Variants in FRAS1 observed in about 807,000 individuals in gnomAD.
The protein encoded by FRAS1 is extracellular matrix organizing protein FRAS1.
Under a neutral mutation model 435.2 loss-of-function variants are expected in FRAS1, and 290 were observed. The observed-to-expected ratio is 0.67, with a 90% CI of 0.61 to 0.73. FRAS1 has a LOEUF of 0.73. Ranked by LOEUF, FRAS1 falls within the 30% of genes least tolerant of loss-of-function variation. The pLI is 0.00. For synonymous variants in FRAS1, 1,800 were observed against 1,851.0 expected (o/e 0.97, Z 0.71); for missense variants, 4,860 against 5,001.5 (o/e 0.97, Z 0.85).
At chr4:78,323,109 C>A (rs1217352151) in intron 18 of FRAS1, among the ~76,000 whole-genome samples, 2 of 152,042 alleles carry the variant, frequency 1.3e-5, no homozygotes, top group Non-Finnish European at 1.5e-5. Context: ...TGTGCTTTGG[C>A]TCTTCAAAAA....
chr4:78,185,472 G>A (rs561093923), intron 2 of FRAS1, among the ~76,000 whole-genome samples: 1 of 152,256 alleles, frequency 6.6e-6, no homozygotes, highest in Non-Finnish European at 1.5e-5. Context: ...TCACGGGATT[G>A]TTTTTCACTT....
chr4:78,226,951 T>C (rs1275133616), intron 2 of FRAS1, among the ~76,000 whole-genome samples: 2 of 152,240 alleles, frequency 1.3e-5, no homozygotes, highest in Non-Finnish European at 2.9e-5. Flanking sequence ...ATAGCCAGTC[T>C]GCCGTTAAGC....
At chr4:78,244,633 T>C (rs143983643) in intron 3 of FRAS1, among the ~76,000 whole-genome samples, 2 of 152,266 alleles carry the variant, frequency 1.3e-5, no homozygotes, top group Non-Finnish European at 2.9e-5. Context: ...CTTGATAGTA[T>C]CAAGAAACAC....
chr4:78,387,321 T>G (rs555493843), intron 28 of FRAS1, 54 bp from the exon 29 acceptor site: 2 of 1,329,654 alleles, frequency 1.5e-6, no homozygotes, highest in South Asian at 2.8e-5. Flanking sequence ...TCTAGTCCAC[T>G]GGATTGTCCT....
At chr4:78,072,449 A>C (rs1257621937) in intron 2 of FRAS1, among the ~76,000 whole-genome samples, 3 of 152,192 alleles carry the variant, frequency 2.0e-5, no homozygotes, top group Non-Finnish European at 4.4e-5. Flanking sequence ...AAAATTTGGA[A>C]GCTTTCCCTA....
At chr4:78,186,711 T>A (rs757554326) in intron 2 of FRAS1, among the ~76,000 whole-genome samples, 10 of 152,192 alleles carry the variant, frequency 6.6e-5, no homozygotes, top group Non-Finnish European at 1.5e-4. Flanking sequence ...TGATTAGTTA[T>A]TTTCTAGTGG....
chr4:78,536,551 C>T (rs1721887311), intron 71 of FRAS1, among the ~76,000 whole-genome samples: 1 of 152,124 alleles, frequency 6.6e-6, no homozygotes, highest in South Asian at 2.1e-4. Context: ...GGTTTCTCAT[C>T]TGCAAAATTG....
chr4:78,175,150 T>C (rs1203937149), intron 2 of FRAS1, among the ~76,000 whole-genome samples: 1 of 152,212 alleles, frequency 6.6e-6, no homozygotes, highest in Non-Finnish European at 1.5e-5. Context: ...TGGCTTCTTA[T>C]CCCATCGCCT....
chr4:78,174,810 C>T (rs1721697175), intron 2 of FRAS1, among the ~76,000 whole-genome samples: 1 of 152,178 alleles, frequency 6.6e-6, no homozygotes, highest in Admixed American at 6.5e-5. Context: ...AATCTTGAGC[C>T]ATTTGCTTTG....
chr4:78,320,770 G>A (rs1729472539), intron 18 of FRAS1, among the ~76,000 whole-genome samples: 1 of 151,978 alleles, frequency 6.6e-6, no homozygotes, highest in Admixed American at 6.6e-5. Context: ...GCACCCTGAG[G>A]TTTTTAGTGG....
chr4:78,303,629 A>C lies in FRAS1; in HGVS notation c.1535-4437A>C, dbSNP rs185240855. 3.6e-4 allele frequency among the ~76,000 whole-genome samples: 55 copies of C among 152,114 alleles called. No homozygotes were observed. The Middle Eastern group carries it at 0.01, about 28-fold the overall frequency. On this transcript the variant is annotated intron_variant, in intron 14 of 73. Transcript: ENST00000512123. ...TCTCTTTGAAGCAATTGTGAATGGG[A>C]GTTCACCCATTATTTGGCTCTCTGT...
chr4:78,240,792 T>C (rs1724969623), intron 3 of FRAS1, among the ~76,000 whole-genome samples: 1 of 151,992 alleles, frequency 6.6e-6, no homozygotes, highest in Non-Finnish European at 1.5e-5. Flanking sequence ...GCACAGTCAT[T>C]TAAGGGGAGG....
rs762951278 is a variant in FRAS1 at position 78,445,722 on chromosome 4, T to C, written c.5856+10T>C. ...CAATATCACCATTGAGGTAAAGACT[T>C]TGGAAGTTGGAAAGGTTGAGCCCTT... is the stretch of plus-strand genomic sequence containing the variant. On this transcript the variant is annotated intron_variant, in intron 42 of 73. Transcript: ENST00000512123. 39 of 1,613,610 alleles carry C rather than the reference T, an allele frequency of 2.4e-5. No homozygotes were observed. The highest frequency in any genetic ancestry group is 2.8e-5 in the Non-Finnish European group (33 of 1,179,744).
chr4:78,341,284 G>A (rs427539), intron 20 of FRAS1, among the ~76,000 whole-genome samples: 26,985 of 152,156 alleles, frequency 0.18, 3,265 homozygotes, highest in African/African-American at 0.35. Flanking sequence ...GTTGAGTCCT[G>A]TGACAGTGGT....
chr4:78,445,393 A>C, intron 41 of FRAS1, 129 bp from the exon 42 acceptor site: 2 of 1,249,622 alleles, frequency 1.6e-6, no homozygotes, highest in Non-Finnish European at 2.1e-6. Flanking sequence ...TGCTTATCCC[A>C]CTCTCCCAAC....
chr4:78,421,680 G>A (rs901999802), intron 33 of FRAS1, among the ~76,000 whole-genome samples, 183 bp from the exon 34 acceptor site: 1 of 152,056 alleles, frequency 6.6e-6, no homozygotes, highest in African/African-American at 2.4e-5. Flanking sequence ...ATACTCATTT[G>A]GGTTTCAGAT....
intron 2 of FRAS1, among the ~76,000 whole-genome samples, chr4:78,193,749 T>C: frequency 6.6e-6 from 1 of 152,204 alleles, no homozygotes. Context: ...TGTCTTTTAA[T>C]TGGAGCATTT....
chr4:78,065,067 T>C lies in FRAS1; in HGVS notation c.77-918T>C, dbSNP rs528350992. On this transcript the variant is annotated intron_variant, in intron 1 of 73. Coordinates refer to ENST00000512123, the MANE Select transcript of FRAS1 (RefSeq NM_025074.7). ...ATTTCAGTTTTATAGTGTATATATA[T>C]ATATATATATATATATACATACACA... Among the ~76,000 whole-genome samples, 887 of 131,330 alleles carry C rather than the reference T, an allele frequency of 6.8e-3. 8 individuals are homozygous for C. The highest frequency in any genetic ancestry group is 0.01 in the Non-Finnish European group (658 of 63,208). The allele number at this position is 131,330 out of a possible 152,430, so 86.2% of individuals were successfully genotyped here.
intron 2 of FRAS1, among the ~76,000 whole-genome samples, chr4:78,073,679 A>G (rs1044583689): frequency 6.6e-6 from 1 of 152,186 alleles, no homozygotes; most frequent in African/African-American, 2.4e-5. Flanking sequence ...TTATCATGTT[A>G]TAGTTTAGTT....
Sources: gnomAD v4.1 joint callset for allele counts (sites outside exome capture counted in the v4.1 genomes callset) on GRCh38, gnomAD v4.1.1 for gene constraint, MANE v1.5 for transcripts, NCBI Gene and HGNC (gene_info 2026-07-23, HGNC 2026-07-21) for gene names.